ARHGAP33: variants seen among roughly 807,000 people sequenced by gnomAD.
ARHGAP33 encodes Rho GTPase activating protein 33, also known as rho GTPase-activating protein 33.
ARHGAP33 carries 57 observed loss-of-function variants against 126.2 expected under a neutral mutation model. The ratio of observed to expected loss-of-function variants is 0.45; its 90% confidence interval spans 0.36 to 0.56. The LOEUF is 0.56. Ranked by LOEUF, ARHGAP33 falls within the 20% of genes least tolerant of loss-of-function variation. The pLI, the probability that ARHGAP33 is intolerant of heterozygous loss-of-function variation, is 0.00. For synonymous variants in ARHGAP33, 711 were observed against 755.0 expected, an observed-to-expected ratio of 0.94 and a Z score of 0.95; for missense variants, 1,500 against 1,748.3, an observed-to-expected ratio of 0.86 and a Z score of 2.53.
chr19:35,778,602 G>A lies in ARHGAP33; in HGVS notation c.408+1G>A. 1 of 1,612,526 alleles carries A rather than the reference G, an allele frequency of 6.2e-7. No individual in the cohort carries two copies. Among genetic ancestry groups the A allele is most frequent in the Non-Finnish European group, 8.5e-7 (1 of 1,179,346 alleles). ...CCCCGAGGGTGCCAGGGCTGCCCAGGTAACCTGCTTGTTGTCTCAGCCCCT... is the reference window on the plus strand; with the variant it reads ...CCCCGAGGGTGCCAGGGCTGCCCAGATAACCTGCTTGTTGTCTCAGCCCCT... On this transcript the variant is annotated splice_donor_variant, in intron 5 of 20. Coordinates refer to ENST00000007510, the MANE Select transcript of ARHGAP33 (RefSeq NM_001366178.1). LOFTEE classifies it high-confidence loss of function.
intron 1 of ARHGAP33, 155 bp from the exon 2 acceptor site, chr19:35,777,490 G>C (rs1393232293): frequency 1.5e-6 from 1 of 662,296 alleles, no homozygotes; most frequent in Non-Finnish European, 2.7e-6. Flanking sequence ...CCTGTCCTCA[G>C]CCCAGCCCTC....
At position 35,777,643 on chromosome 19, in the gene ARHGAP33, A is replaced by T; in HGVS notation, c.7-2A>T. 6.4e-7 allele frequency: 1 copy of T among 1,565,910 alleles called. No individual in the cohort carries two copies. The highest frequency in any genetic ancestry group is 1.9e-5 in the Admixed American group (1 of 51,564). On this transcript the variant is annotated splice_acceptor_variant, in intron 1 of 20. Transcript: ENST00000007510. LOFTEE classifies it high-confidence loss of function. ...GGGCCTCTGATTCTTTCTGCTCTAC[A>T]GGCACGCAGCACTGACAGCCTGGAT...
Position 35,787,443 on chromosome 19 carries a change from G to C in ARHGAP33, c.2878G>C (p.Gly960Arg). Residue 960 changes from glycine (G) to arginine (R), a missense_variant, in exon 21 of 21, where the codon GGT becomes CGT. Physicochemically the swap from Gly to Arg is moderately radical, Grantham distance 125 (BLOSUM62 -2). This residue lies in a region of ARHGAP33 where 642 missense variants were observed against 634.0 expected (regional missense o/e 1.01). Transcript: ENST00000007510. ...ACCTCCCAACTCCCTAGCACACCCGGGTGCCTGGGTCCCGGGACCCCCACC... is the reference window on the plus strand; with the variant it reads ...ACCTCCCAACTCCCTAGCACACCCGCGTGCCTGGGTCCCGGGACCCCCACC... ...GPPPNSLAHP[G>R]AWVPGPPPYL... The C allele has an allele frequency of 6.2e-7, 1 of 1,612,112 alleles. No homozygotes were observed. Among genetic ancestry groups the C allele is most frequent in the Non-Finnish European group, 8.5e-7 (1 of 1,179,288 alleles).
chr19:35,780,694 G>T (rs1451033401), intron 9 of ARHGAP33, 46 bp downstream of exon 9: 2 of 1,608,816 alleles, frequency 1.2e-6, no homozygotes, highest in African/African-American at 1.3e-5. Flanking sequence ...GGTGGGAAGG[G>T]GTGGGGCCTC....
At chr19:35,780,112 G>A (rs773232524) in intron 6 of ARHGAP33, 99 bp from the exon 7 acceptor site, 29 of 1,501,304 alleles carry the variant, frequency 1.9e-5, no homozygotes, top group South Asian at 2.4e-5. Flanking sequence ...GGCTCTTGAC[G>A]GGGGCGGGCA....
In ARHGAP33 at chr19:35,782,774, C is replaced by T; in HGVS notation, c.1326C>T (p.Tyr442=). 6.2e-7 allele frequency: 1 copy of T among 1,613,328 alleles called. No homozygotes were observed. Among genetic ancestry groups the T allele is most frequent in the Non-Finnish European group, 8.5e-7 (1 of 1,179,510 alleles). Residue 442 remains tyrosine, a synonymous_variant, in exon 15 of 21, where the codon TAC becomes TAT. Transcript: ENST00000007510. This position sits in a 1 kb window ranked among gnomAD's most constrained non-coding sequence, Gnocchi z 4.1. ...LPPPHYRTLE[Y]LLRHLARMAR... ...CTCCCACCCCCAGGACCCTGGAGTA[C>T]CTGCTGAGGCACCTGGCCCGCATGG...
In ARHGAP33 at chr19:35,782,935, A is replaced by G. The variant is rs1971879251; in HGVS notation, c.1421+66A>G. The G allele has an allele frequency of 7.2e-7, 1 of 1,396,092 alleles. No individual in the cohort carries two copies. The highest frequency in any genetic ancestry group is 1.4e-5 in the African/African-American group (1 of 69,816). The allele number at this position is 1,396,092 out of a possible 1,614,324, so 86.5% of individuals were successfully genotyped here. A position where few individuals can be genotyped will look rare whatever the true frequency, so the allele number is the denominator to read the frequency against. On this transcript the variant is annotated intron_variant, in intron 15 of 20. Coordinates refer to ENST00000007510, the MANE Select transcript of ARHGAP33 (RefSeq NM_001366178.1). This position sits in a 1 kb window ranked among gnomAD's most constrained non-coding sequence, Gnocchi z 4.1. Reference sequence around the variant, plus strand: ...CCAAAACCACCCCAGGAACCCGCCCAGCTTTTCTTTTGTTTATTCATCGAA... The same window carrying G: ...CCAAAACCACCCCAGGAACCCGCCCGGCTTTTCTTTTGTTTATTCATCGAA...
chr19:35,788,731 C>T lies in ARHGAP33; in HGVS notation c.*302C>T, dbSNP rs1158229328. On this transcript the variant is annotated 3_prime_UTR_variant, in exon 21 of 21. Transcript: ENST00000007510. ...AGCCCCCAGCATGTCCTGACCTGTG[C>T]ACGGGGATGGGGGGACAACTCCTAC... is the stretch of plus-strand genomic sequence containing the variant. 5 of 336,540 alleles carry T rather than the reference C, an allele frequency of 1.5e-5. No homozygotes were observed. The highest frequency in any genetic ancestry group is 2.2e-5 in the Non-Finnish European group (4 of 185,586). 20.8% of individuals were successfully genotyped at this position (336,540 alleles called of 1,614,324 possible).
Position 35,782,907 on chromosome 19 carries a change from TC to T in ARHGAP33, c.1421+42del, listed in dbSNP as rs1568427557. 1 of 1,559,044 alleles carries T rather than the reference TC, an allele frequency of 6.4e-7. No individual in the cohort carries two copies. Among genetic ancestry groups the T allele is most frequent in the Non-Finnish European group, 8.7e-7 (1 of 1,146,974 alleles). On this transcript the variant is annotated intron_variant, in intron 15 of 20. Transcript: ENST00000007510. The surrounding 1 kb of genome is among the most constrained non-coding windows in gnomAD (Gnocchi z 4.1). The stretch of plus-strand genomic sequence containing the variant: ...CTCGCCTGCCTGCCCCTCAGGTCTT[TC>T]CCCAAAACCACCCCAGGAACCCGCC...
chr19:35,776,353 A>C lies in ARHGAP33; in HGVS notation c.6+689A>C, dbSNP rs1466025122. Among the ~76,000 whole-genome samples, 4 of 151,300 alleles carry C rather than the reference A, an allele frequency of 2.6e-5. No homozygotes were observed. In the East Asian group the frequency reaches 7.8e-4, roughly 30 times the overall value. ...CCCACCATGCTGCTCCCGCTCATTC[A>C]TCCATTCATTCCCTCACTTAGCAGA... On this transcript the variant is annotated intron_variant, in intron 1 of 20. Coordinates refer to ENST00000007510, the MANE Select transcript of ARHGAP33 (RefSeq NM_001366178.1).
rs542967645 is a variant in ARHGAP33 at position 35,780,514 on chromosome 19, C to T, written c.702+16C>T. On this transcript the variant is annotated intron_variant, in intron 8 of 20. Transcript: ENST00000007510. ...AGGCTTCCAGGTGAGTCCAGCTGGG[C>T]GCGGACAGGTGGGGCTGGGGTACCT... The T allele has an allele frequency of 2.3e-5, 37 of 1,609,224 alleles. 1 individual carries two copies. Among genetic ancestry groups the T allele is most frequent in the Admixed American group, 1.2e-4 (7 of 59,762 alleles).
chr19:35,788,699 C>T lies in ARHGAP33; in HGVS notation c.*270C>T, dbSNP rs1182039154. On this transcript the variant is annotated 3_prime_UTR_variant, in exon 21 of 21. Coordinates refer to ENST00000007510, the MANE Select transcript of ARHGAP33 (RefSeq NM_001366178.1). ...CTAGGCTGACCCCATCCTCCTCTCC[C>T]TCCAGGAGCCCCCAGCATGTCCTGA... The T allele has an allele frequency of 1.2e-5, 5 of 426,888 alleles. No homozygotes were observed. The East Asian group carries it at 2.1e-4, about 18-fold the overall frequency. The allele number at this position is 426,888 out of a possible 1,614,324, so 26.4% of individuals were successfully genotyped here. A position where few individuals can be genotyped will look rare whatever the true frequency, so the allele number is the denominator to read the frequency against.
Position 35,782,392 on chromosome 19 carries a change from A to G in ARHGAP33, c.1105A>G (p.Arg369Gly). The G allele has an allele frequency of 1.2e-6, 2 of 1,605,826 alleles. No individual in the cohort carries two copies. Among genetic ancestry groups the G allele is most frequent in the Non-Finnish European group, 1.7e-6 (2 of 1,173,138 alleles). Reference sequence around the variant, plus strand: ...TCTCAGGCACGAGTTTGACAGTGAGAGGATCCCGGAGCTGTCTGGCCCTGC... The same window carrying G: ...TCTCAGGCACGAGTTTGACAGTGAGGGGATCCCGGAGCTGTCTGGCCCTGC... ...QRLRHEFDSERIPELSGPAFL... is the reference protein window; with the variant it reads ...QRLRHEFDSEGIPELSGPAFL... Residue 369 changes from arginine to glycine, a missense_variant, in exon 13 of 21, where the codon AGG becomes GGG. Arg to Gly is a moderately radical substitution (Grantham distance 125). This residue lies in a region of ARHGAP33 where 281 missense variants were observed against 413.7 expected (regional missense o/e 0.68). Transcript: ENST00000007510. This position sits in a 1 kb window ranked among gnomAD's most constrained non-coding sequence, Gnocchi z 4.1.
At position 35,778,928 on chromosome 19, in the gene ARHGAP33, G is replaced by T. The variant is rs1971598434; in HGVS notation, c.409-104G>T. ...CCTAACAGCTGAGCAGCACCCATGT[G>T]TTCAGGATGAACTTCAGCCCAGAGA... On this transcript the variant is annotated intron_variant, in intron 5 of 20. Coordinates refer to ENST00000007510, the MANE Select transcript of ARHGAP33 (RefSeq NM_001366178.1). 6.1e-6 allele frequency: 6 copies of T among 977,112 alleles called. No individual in the cohort carries two copies. The South Asian group carries it at 7.3e-5, about 12-fold the overall frequency. The allele number at this position is 977,112 out of a possible 1,614,324, so 60.5% of individuals were successfully genotyped here. A position where few individuals can be genotyped will look rare whatever the true frequency, so the allele number is the denominator to read the frequency against.
intron 6 of ARHGAP33, among the ~76,000 whole-genome samples, chr19:35,779,361 T>C (rs1292457268): frequency 6.6e-6 from 1 of 152,182 alleles, no homozygotes; most frequent in Non-Finnish European, 1.5e-5. Context: ...GGTTTAAATG[T>C]ATATCAGTTA....
At chr19:35,776,102 C>A (rs3810452) in intron 1 of ARHGAP33, among the ~76,000 whole-genome samples, 1 of 136,928 alleles carries the variant, frequency 7.3e-6, no homozygotes, top group Non-Finnish European at 1.6e-5. Context: ...CCCCACCCCC[C>A]ACCCGCTCCA....
Position 35,778,214 on chromosome 19 carries a change from T to C in ARHGAP33, c.190-66T>C, listed in dbSNP as rs180862527. 4.9e-4 allele frequency: 763 copies of C among 1,552,300 alleles called. 4 individuals are homozygous for C. In the African/African-American group the frequency reaches 8.5e-3, roughly 17 times the overall value. ...AGGGAGTCACAAACCCGTCCCTAGA[T>C]AGTGCCATCCCCAGGAGGTCAGGAC... On this transcript the variant is annotated intron_variant, in intron 3 of 20. Coordinates refer to ENST00000007510, the MANE Select transcript of ARHGAP33 (RefSeq NM_001366178.1).
At chr19:35,776,755 T>A (rs2037365923) in intron 1 of ARHGAP33, among the ~76,000 whole-genome samples, 2 of 152,128 alleles carry the variant, frequency 1.3e-5, no homozygotes, top group Non-Finnish European at 2.9e-5. Flanking sequence ...GAGATGAACT[T>A]GTCACCACCA....
rs1599796563 is a variant in ARHGAP33, at chr19:35,785,247, T to A, written c.1780T>A (p.Phe594Ile). 1 of 1,588,414 alleles carries A rather than the reference T, an allele frequency of 6.3e-7. No individual in the cohort carries two copies. Among genetic ancestry groups the A allele is most frequent in the Admixed American group, 1.8e-5 (1 of 54,918 alleles). The change falls in exon 18 of 21, where the codon TTC becomes ATC. Residue 594 changes from phenylalanine (F) to isoleucine (I), a missense_variant. Phe to Ile is a conservative substitution (Grantham distance 21). Coordinates refer to ENST00000007510, the MANE Select transcript of ARHGAP33 (RefSeq NM_001366178.1). ...RKPGGSSWKT[F>I]FALGRGPSVP... ...GCCAGGGGGCAGCAGCTGGAAGACG[T>A]TCTTTGCACTGGGCCGGGGCCCCAG...
Sources: allele counts gnomAD v4.1 joint callset (sites outside exome capture counted in the v4.1 genomes callset), GRCh38; gene constraint gnomAD v4.1.1; regional missense constraint gnomAD v4.1.1; non-coding constraint Gnocchi (gnomAD v3.1); transcripts MANE v1.5; gene names NCBI Gene and HGNC (gene_info 2026-07-23, HGNC 2026-07-21).